SPINT2: variants seen among roughly 807,000 people sequenced by gnomAD.
SPINT2 encodes the protein kunitz-type protease inhibitor 2.
Under a neutral mutation model 30.1 loss-of-function variants are expected in SPINT2, and 18 were observed. That is an observed-to-expected ratio of 0.60 (90% confidence interval 0.41 to 0.89). SPINT2 has a LOEUF of 0.89. Among genes scored for constraint, SPINT2 ranks in the 40% least tolerant of loss-of-function variants. The pLI is 0.00. For missense variants in SPINT2, 276 were observed against 334.3 expected, an observed-to-expected ratio of 0.83 and a Z score of 1.36; for synonymous variants, 139 against 137.9, an observed-to-expected ratio of 1.01 and a Z score of -0.05.
intron 1 of SPINT2, among the ~76,000 whole-genome samples, chr19:38,277,230 C>G (rs1360583303): frequency 6.6e-6 from 1 of 152,034 alleles, no homozygotes; most frequent in African/African-American, 2.4e-5. Flanking sequence ...TGATTAGGTA[C>G]TATCTCATCT....
intron 2 of SPINT2, among the ~76,000 whole-genome samples, chr19:38,285,983 T>TG (rs1968636143): frequency 6.6e-6 from 1 of 152,136 alleles, no homozygotes; most frequent in African/African-American, 2.4e-5. Flanking sequence ...CCAGGGGACA[T>TG]GAGTGGCTGT....
At chr19:38,271,677 CA>C (rs927336474) in intron 1 of SPINT2, among the ~76,000 whole-genome samples, 1 of 150,632 alleles carries the variant, frequency 6.6e-6, no homozygotes, top group East Asian at 1.9e-4. Flanking sequence ...ACTAAAAATA[CA>C]AAAAAAAATT....
chr19:38,290,769 G>A lies in SPINT2; in HGVS notation c.592+194G>A. On this transcript the variant is annotated intron_variant, in intron 6 of 6. Transcript: ENST00000301244. This position sits in a 1 kb window ranked among gnomAD's most constrained non-coding sequence, Gnocchi z 4.3. ...CAGTGTACACAGTTGGGGCTGGAGT[G>A]AGTCAGTCACAAGGCAGGCCCTGCC... 3.8e-6 allele frequency: 3 copies of A among 795,800 alleles called. No homozygotes were observed. In the Admixed American group the frequency reaches 6.4e-5, roughly 17 times the overall value. The allele number at this position is 795,800 out of a possible 1,614,324, so 49.3% of individuals were successfully genotyped here. A position where few individuals can be genotyped will look rare whatever the true frequency, so the allele number is the denominator to read the frequency against.
chr19:38,291,509 C>A, intron 6 of SPINT2: 1 of 322,986 alleles, frequency 3.1e-6, no homozygotes, highest in South Asian at 3.7e-5. Flanking sequence ...CACCCTTGTG[C>A]ATCTCTCGGC....
At chr19:38,282,148 T>G (rs1968587776) in intron 1 of SPINT2, among the ~76,000 whole-genome samples, 1 of 152,242 alleles carries the variant, frequency 6.6e-6, no homozygotes, top group Admixed American at 6.5e-5. Flanking sequence ...GTCCGTTGAT[T>G]AGTGTTCTGT....
At chr19:38,267,830 C>A (rs1356468985) in intron 1 of SPINT2, among the ~76,000 whole-genome samples, 2 of 151,860 alleles carry the variant, frequency 1.3e-5, no homozygotes, top group African/African-American at 4.8e-5. Flanking sequence ...ACGTGCCAGG[C>A]GGGGTAGTGA....
At chr19:38,276,475 C>T (rs1968519373) in intron 1 of SPINT2, among the ~76,000 whole-genome samples, 1 of 151,880 alleles carries the variant, frequency 6.6e-6, no homozygotes, top group Non-Finnish European at 1.5e-5. Flanking sequence ...AACCCTGTCT[C>T]TACTAAAAAT....
chr19:38,264,762 G>T lies in SPINT2; in HGVS notation c.-131G>T. On this transcript the variant is annotated 5_prime_UTR_variant, in exon 1 of 7. Coordinates refer to ENST00000301244, the MANE Select transcript of SPINT2 (RefSeq NM_021102.4). ...ACTTCCGGGGGCTTTGGCACCTGGC[G>T]GACCCTCCCGGAGCGTCGGCACCTG... The T allele has an allele frequency of 5.2e-6, 5 of 963,302 alleles. No individual in the cohort carries two copies. In the South Asian group the frequency reaches 7.8e-5, roughly 15 times the overall value. 59.7% of individuals were successfully genotyped at this position (963,302 alleles called of 1,614,324 possible). A position where few individuals can be genotyped will look rare whatever the true frequency, so the allele number is the denominator to read the frequency against.
At chr19:38,268,498 A>C (rs1426838995) in intron 1 of SPINT2, among the ~76,000 whole-genome samples, 1 of 152,160 alleles carries the variant, frequency 6.6e-6, no homozygotes, top group Non-Finnish European at 1.5e-5. Context: ...ATGTAATGGA[A>C]CCAAACCAGA....
intron 3 of SPINT2, chr19:38,288,410 A>G (rs1968669518): frequency 3.4e-6 from 1 of 294,538 alleles, no homozygotes; most frequent in Admixed American, 4.6e-5. Context: ...TGATCTCAAG[A>G]TGTGTGTTAG....
At chr19:38,287,107 T>A (rs1194468593) in intron 2 of SPINT2, among the ~76,000 whole-genome samples, 1 of 152,000 alleles carries the variant, frequency 6.6e-6, no homozygotes, top group Admixed American at 6.6e-5. Context: ...CACTACAACC[T>A]CTGCCTCCCA....
At chr19:38,270,105 G>A (rs1443996279) in intron 1 of SPINT2, among the ~76,000 whole-genome samples, 1 of 152,206 alleles carries the variant, frequency 6.6e-6, no homozygotes, top group Non-Finnish European at 1.5e-5. Flanking sequence ...CTTAACTGCT[G>A]TAAGCTTTCC....
At chr19:38,288,458 C>A (rs558171346) in intron 3 of SPINT2, 28 of 248,500 alleles carry the variant, frequency 1.1e-4, no homozygotes, top group African/African-American at 6.2e-4. Context: ...CCCCATTCCT[C>A]CTTTATGGTT....
chr19:38,283,921 A>C, intron 2 of SPINT2, 124 bp downstream of exon 2: 2 of 1,137,360 alleles, frequency 1.8e-6, no homozygotes, highest in Non-Finnish European at 2.4e-6. Flanking sequence ...GGCTCACTGC[A>C]AGCTCCGCCT....
intron 1 of SPINT2, among the ~76,000 whole-genome samples, chr19:38,270,087 T>G (rs1968436316): frequency 6.6e-6 from 1 of 152,236 alleles, no homozygotes; most frequent in African/African-American, 2.4e-5. Context: ...TTATAGTGTC[T>G]GTAGAACCTT....
chr19:38,289,224 C>G (rs1192875401), intron 4 of SPINT2, 33 bp downstream of exon 4: 2 of 1,602,482 alleles, frequency 1.2e-6, no homozygotes, highest in South Asian at 2.2e-5. Context: ...TGCGGTGGCT[C>G]ACACCTGTAA....
chr19:38,267,316 G>A (rs941533402), intron 1 of SPINT2, among the ~76,000 whole-genome samples: 1 of 152,114 alleles, frequency 6.6e-6, no homozygotes, highest in African/African-American at 2.4e-5. Context: ...TGTTTTCTCC[G>A]GAAGCGAGTC....
intron 1 of SPINT2, among the ~76,000 whole-genome samples, chr19:38,270,678 G>C (rs1339742248): frequency 6.6e-6 from 1 of 152,204 alleles, no homozygotes; most frequent in Non-Finnish European, 1.5e-5. Context: ...TGCCCAGTCA[G>C]TATTTGAGAG....
intron 1 of SPINT2, among the ~76,000 whole-genome samples, chr19:38,281,489 C>T (rs1358981007): frequency 6.6e-6 from 1 of 152,032 alleles, no homozygotes; most frequent in East Asian, 1.9e-4. Flanking sequence ...ATGGGCGGAT[C>T]ACCTGAGGTC....
Sources: gnomAD v4.1 joint callset for allele counts (sites outside exome capture counted in the v4.1 genomes callset) on GRCh38, gnomAD v4.1.1 for gene constraint, Gnocchi (gnomAD v3.1) non-coding constraint, MANE v1.5 for transcripts, NCBI Gene and HGNC (gene_info 2026-07-23, HGNC 2026-07-21) for gene names.